KCTD8: variants seen among roughly 807,000 people sequenced by gnomAD.
The protein encoded by KCTD8 is BTB/POZ domain-containing protein KCTD8.
A neutral mutation model predicts 31.5 loss-of-function variants in KCTD8; 27 were observed. The observed-to-expected ratio is 0.86, with a 90% CI of 0.63 to 1.18. The LOEUF (loss-of-function observed/expected upper bound fraction) is 1.18, where lower values mean the gene tolerates loss of function less well. Ranked by LOEUF, KCTD8 falls within the 50% of genes most tolerant of loss-of-function variation. KCTD8 has a pLI of 0.00. For missense variants in KCTD8, 658 were observed against 647.7 expected (o/e 1.02, Z -0.17); for synonymous variants, 290 against 280.0 (o/e 1.04, Z -0.36).
At chr4:44,280,424 C>G (rs111868547) in intron 1 of KCTD8, among the ~76,000 whole-genome samples, 1,575 of 152,120 alleles carry the variant, frequency 0.01, 22 homozygotes, top group African/African-American at 0.035. Context: ...CTATCACCGT[C>G]GAGAGCTGCA....
At chr4:44,256,104 A>C (rs1304760848) in intron 1 of KCTD8, among the ~76,000 whole-genome samples, 1 of 151,838 alleles carries the variant, frequency 6.6e-6, no homozygotes, top group East Asian at 1.9e-4. Context: ...TGCACATCAG[A>C]TCTTGTGAGA....
chr4:44,410,362 TA>T (rs777294480), intron 1 of KCTD8, among the ~76,000 whole-genome samples: 1 of 152,208 alleles, frequency 6.6e-6, no homozygotes, highest in Non-Finnish European at 1.5e-5. Context: ...CTTTCTATTA[TA>T]AAAACTGCAT....
chr4:44,281,635 G>A (rs1716907745), intron 1 of KCTD8, among the ~76,000 whole-genome samples: 1 of 152,086 alleles, frequency 6.6e-6, no homozygotes, highest in African/African-American at 2.4e-5. Context: ...GATGGAAAAT[G>A]TTTTTCCACT....
intron 1 of KCTD8, chr4:44,293,457 C>G (rs1475323388): frequency 1.1e-5 from 5 of 455,444 alleles, no homozygotes; most frequent in Non-Finnish European, 2.2e-5. Flanking sequence ...CTTGATCTGG[C>G]AAGCAATCAT....
chr4:44,310,952 A>G (rs1240570184), intron 1 of KCTD8, among the ~76,000 whole-genome samples: 1 of 152,112 alleles, frequency 6.6e-6, no homozygotes, highest in Non-Finnish European at 1.5e-5. Context: ...TCACAAGACC[A>G]GAACAAAGCA....
At chr4:44,436,214 A>G (rs1191739392) in intron 1 of KCTD8, among the ~76,000 whole-genome samples, 2 of 152,142 alleles carry the variant, frequency 1.3e-5, no homozygotes, top group Non-Finnish European at 2.9e-5. Context: ...AGTTGAATAT[A>G]GTCATGGTCG....
At chr4:44,391,868 C>T (rs1720383640) in intron 1 of KCTD8, among the ~76,000 whole-genome samples, 1 of 151,920 alleles carries the variant, frequency 6.6e-6, no homozygotes, top group Non-Finnish European at 1.5e-5. Flanking sequence ...TGATTCCATA[C>T]GAGTTCAGAT....
chr4:44,267,866 A>G (rs1014907668), intron 1 of KCTD8, among the ~76,000 whole-genome samples: 6 of 152,326 alleles, frequency 3.9e-5, no homozygotes, highest in Admixed American at 2.0e-4. Context: ...CTCTGAATAG[A>G]CCAATAACAG....
intron 1 of KCTD8, among the ~76,000 whole-genome samples, chr4:44,320,191 AAAAAAAAAGAG>A (rs1431382851): frequency 4.7e-5 from 7 of 149,508 alleles, no homozygotes; most frequent in Admixed American, 1.3e-4. Flanking sequence ...AAAAAAAAAA[AAAAAAAAAGAG>A]AGAGAGAATT....
intron 1 of KCTD8, among the ~76,000 whole-genome samples, chr4:44,334,626 A>G (rs1718673488): frequency 6.6e-6 from 1 of 152,094 alleles, no homozygotes; most frequent in East Asian, 1.9e-4. Flanking sequence ...CATTTAAAAC[A>G]GAAATTTTGG....
chr4:44,393,660 G>GGTAGTTATCAGAATATTTAA (rs1720425264), intron 1 of KCTD8, among the ~76,000 whole-genome samples: 1 of 151,568 alleles, frequency 6.6e-6, no homozygotes, highest in Admixed American at 6.6e-5. Flanking sequence ...GTTTATGAAT[G>GGTAGTTATCAGAATATTTAA]GTAGTTATCA....
intron 1 of KCTD8, among the ~76,000 whole-genome samples, chr4:44,178,621 T>A (rs1713286706): frequency 6.6e-6 from 1 of 151,054 alleles, no homozygotes. Context: ...GATAAATAAG[T>A]GATGAAAAAA....
intron 1 of KCTD8, among the ~76,000 whole-genome samples, chr4:44,425,519 T>C (rs920996125): frequency 9.2e-5 from 14 of 152,154 alleles, no homozygotes; most frequent in African/African-American, 3.1e-4. Flanking sequence ...AAGAGGCAGA[T>C]GTTTAGTGTG....
intron 1 of KCTD8, among the ~76,000 whole-genome samples, chr4:44,242,631 G>C (rs1179383939): frequency 6.6e-6 from 1 of 151,990 alleles, no homozygotes; most frequent in Non-Finnish European, 1.5e-5. Flanking sequence ...TGTTGATATA[G>C]TTTGACTATA....
At chr4:44,295,608 A>G (rs1173688416) in intron 1 of KCTD8, among the ~76,000 whole-genome samples, 1 of 152,158 alleles carries the variant, frequency 6.6e-6, no homozygotes, top group Non-Finnish European at 1.5e-5. Flanking sequence ...ATTTATTTTG[A>G]TATGCGTCAG....
intron 1 of KCTD8, among the ~76,000 whole-genome samples, chr4:44,331,673 TTACATATATA>T (rs1472245414): frequency 1.3e-5 from 2 of 150,074 alleles, no homozygotes; most frequent in African/African-American, 4.9e-5. Flanking sequence ...TTTATTGAAA[TTACATATATA>T]TACATATATG....
intron 1 of KCTD8, among the ~76,000 whole-genome samples, chr4:44,411,073 A>C (rs1413602803): frequency 6.6e-6 from 1 of 152,158 alleles, no homozygotes; most frequent in Non-Finnish European, 1.5e-5. Flanking sequence ...TAGTGCATAA[A>C]AATGTAGAAA....
intron 1 of KCTD8, among the ~76,000 whole-genome samples, chr4:44,296,224 C>A (rs957461480): frequency 3.9e-5 from 6 of 152,074 alleles, no homozygotes; most frequent in African/African-American, 1.5e-4. Flanking sequence ...GATAAGTCCT[C>A]CCTTTTTTTT....
At chr4:44,242,579 A>AAAACAAAC (rs150893355) in intron 1 of KCTD8, among the ~76,000 whole-genome samples, 39 of 151,630 alleles carry the variant, frequency 2.6e-4, no homozygotes, top group African/African-American at 8.5e-4. Flanking sequence ...TTCCGTCTCA[A>AAAACAAAC]AAACAAACAA....
Sources: allele counts gnomAD v4.1 joint callset (sites outside exome capture counted in the v4.1 genomes callset), GRCh38; gene constraint gnomAD v4.1.1; transcripts MANE v1.5; gene names NCBI Gene and HGNC (gene_info 2026-07-23, HGNC 2026-07-21).